WSCD2: variants seen among roughly 807,000 people sequenced by gnomAD.
WSCD2 encodes WSC domain sialate O sulfotransferase 2.
In WSCD2, 28 loss-of-function variants were observed where a neutral mutation model predicts 55.7. The ratio of observed to expected loss-of-function variants is 0.50; its 90% CI spans 0.37 to 0.69. The LOEUF (loss-of-function observed/expected upper bound fraction) is 0.69, where lower values mean the gene tolerates loss of function less well. Ranked by LOEUF, WSCD2 falls within the 30% of genes least tolerant of loss-of-function variation. The pLI is 0.00. For synonymous variants in WSCD2, 301 were observed against 301.9 expected (o/e 1.00, Z 0.03); for missense variants, 616 against 762.1 (o/e 0.81, Z 2.26).
In WSCD2 at chr12:108,210,186, C is replaced by T. The variant is rs749318050; in HGVS notation, c.563C>T (p.Thr188Met). 36 of 1,613,958 alleles carry T rather than the reference C, an allele frequency of 2.2e-5. No homozygotes were observed. Among genetic ancestry groups the T allele is most frequent in the Non-Finnish European group, 2.7e-5 (32 of 1,179,992 alleles). ...TACTGCGGCCACAAGATCCAGGCGA[C>T]GAACGTGAGCGAGGCAGAGTGCGAC... ...ECYCGHKIQA[T>M]NVSEAECDME... Residue 188 changes from threonine (T) to methionine (M), a missense_variant, in exon 4 of 9, where the codon ACG becomes ATG. Coordinates refer to ENST00000547525, the MANE Select transcript of WSCD2 (RefSeq NM_014653.4). This position sits in a 1 kb window ranked among gnomAD's most constrained non-coding sequence, Gnocchi z 4.3.
Position 108,240,504 on chromosome 12 carries a change from C to T in WSCD2, c.1305C>T (p.Gly435=), listed in dbSNP as rs770918041. 2.5e-6 allele frequency: 4 copies of T among 1,613,032 alleles called. No individual in the cohort carries two copies. Among genetic ancestry groups the T allele is most frequent in the Non-Finnish European group, 3.4e-6 (4 of 1,179,986 alleles). Residue 435 remains glycine, a synonymous_variant, in exon 8 of 9, where the codon GGC becomes GGT. Coordinates refer to ENST00000547525, the MANE Select transcript of WSCD2 (RefSeq NM_014653.4). ...CTGAGTTCAACCGCAAGTACGGCGG[C>T]CACATAGGCTTTGCTGCGCATGCCC... ...LMAEFNRKYG[G]HIGFAAHAHW... is the part of the protein sequence containing the mutation.
intron 5 of WSCD2, among the ~76,000 whole-genome samples, chr12:108,226,488 A>C (rs1164664279): frequency 6.6e-6 from 1 of 151,930 alleles, no homozygotes; most frequent in African/African-American, 2.4e-5. Context: ...CGAGAAAGGG[A>C]TTTCTTTTTC....
At chr12:108,150,795 G>A (rs905859582) in intron 1 of WSCD2, among the ~76,000 whole-genome samples, 1 of 152,178 alleles carries the variant, frequency 6.6e-6, no homozygotes, top group African/African-American at 2.4e-5. Flanking sequence ...TGGGGTTGCT[G>A]CTGGGGCTGA....
intron 1 of WSCD2, among the ~76,000 whole-genome samples, chr12:108,190,800 G>A (rs1883067233): frequency 6.6e-6 from 1 of 152,128 alleles, no homozygotes; most frequent in African/African-American, 2.4e-5. Flanking sequence ...TGGGGGGGAG[G>A]CAGAGTAGAG....
chr12:108,219,334 T>C (rs925344907), intron 4 of WSCD2, among the ~76,000 whole-genome samples: 1 of 152,178 alleles, frequency 6.6e-6, no homozygotes, highest in African/African-American at 2.4e-5. Context: ...AGGATCACAT[T>C]TGCATTCCCA....
chr12:108,223,405 T>C (rs1268733195), intron 4 of WSCD2, among the ~76,000 whole-genome samples: 1 of 152,220 alleles, frequency 6.6e-6, no homozygotes, highest in African/African-American at 2.4e-5. Context: ...CTTTGTATCT[T>C]AAACACATCT....
chr12:108,211,665 A>ATATATATATATATATTTT (rs1565970125), intron 4 of WSCD2, among the ~76,000 whole-genome samples: 7 of 147,694 alleles, frequency 4.7e-5, no homozygotes, highest in African/African-American at 1.7e-4. Flanking sequence ...ATATATATAT[A>ATATATATATATATATTTT]TTTTTTGAGA....
At chr12:108,220,133 T>C (rs533146389) in intron 4 of WSCD2, among the ~76,000 whole-genome samples, 2 of 152,308 alleles carry the variant, frequency 1.3e-5, no homozygotes, top group African/African-American at 4.8e-5. Context: ...AGTTCAGACA[T>C]TCCTAGGTTG....
At chr12:108,130,276 G>C (rs1875349500) in intron 1 of WSCD2, among the ~76,000 whole-genome samples, 2 of 152,180 alleles carry the variant, frequency 1.3e-5, no homozygotes, top group South Asian at 4.1e-4. Flanking sequence ...TTTGATTTAT[G>C]AATCACCCTC....
chr12:108,217,739 C>A (rs1482281473), intron 4 of WSCD2, among the ~76,000 whole-genome samples: 3 of 152,222 alleles, frequency 2.0e-5, no homozygotes, highest in Non-Finnish European at 4.4e-5. Context: ...ATCCCCCTCA[C>A]TGCACCCCCA....
intron 1 of WSCD2, among the ~76,000 whole-genome samples, chr12:108,145,555 G>T (rs975463836): frequency 6.6e-6 from 1 of 152,136 alleles, no homozygotes; most frequent in African/African-American, 2.4e-5. Context: ...AGTGTGAATT[G>T]GTACAACTGC....
At chr12:108,172,414 A>C (rs1028671941) in intron 1 of WSCD2, among the ~76,000 whole-genome samples, 1 of 152,222 alleles carries the variant, frequency 6.6e-6, no homozygotes, top group Non-Finnish European at 1.5e-5. Flanking sequence ...ATACTGGGCT[A>C]AAGAGTGCCC....
chr12:108,206,433 T>C (rs1885379094), intron 3 of WSCD2, 30 bp downstream of exon 3: 3 of 1,602,016 alleles, frequency 1.9e-6, no homozygotes, highest in South Asian at 2.2e-5. Context: ...GACTTGTCCA[T>C]TTCAGGCCCT....
chr12:108,186,063 C>T (rs1169590885), intron 1 of WSCD2, among the ~76,000 whole-genome samples: 2 of 152,098 alleles, frequency 1.3e-5, no homozygotes, highest in Non-Finnish European at 2.9e-5. Flanking sequence ...TCAGCTCACC[C>T]CTTCATCTCT....
Position 108,195,797 on chromosome 12 carries a change from C to G in WSCD2, c.-36C>G. The G allele has an allele frequency of 6.4e-7, 1 of 1,565,246 alleles. No individual in the cohort carries two copies. Among genetic ancestry groups the G allele is most frequent in the Non-Finnish European group, 8.7e-7 (1 of 1,153,728 alleles). On this transcript the variant is annotated 5_prime_UTR_variant, in exon 2 of 9. Coordinates refer to ENST00000547525, the MANE Select transcript of WSCD2 (RefSeq NM_014653.4). ...TTCCATCCTCTCCCAAGCACCCCAG[C>G]CAAGCCCCAGAGAGCCAGTCCGGAA... is the stretch of plus-strand genomic sequence containing the variant.
intron 1 of WSCD2, among the ~76,000 whole-genome samples, chr12:108,151,024 T>C (rs555223263): frequency 6.6e-6 from 1 of 151,940 alleles, no homozygotes; most frequent in African/African-American, 2.4e-5. Flanking sequence ...GTGCTCAGCT[T>C]CTGCTTGGCT....
At chr12:108,220,547 A>T (rs1887377153) in intron 4 of WSCD2, among the ~76,000 whole-genome samples, 1 of 152,148 alleles carries the variant, frequency 6.6e-6, no homozygotes, top group Admixed American at 6.6e-5. Flanking sequence ...CGATTTTTTT[A>T]AAGACAAGGT....
At chr12:108,206,020 T>A (rs1885316559) in intron 2 of WSCD2, among the ~76,000 whole-genome samples, 1 of 152,182 alleles carries the variant, frequency 6.6e-6, no homozygotes, top group Non-Finnish European at 1.5e-5. Flanking sequence ...TGGCTTGGGT[T>A]CCTGGATGCC....
intron 7 of WSCD2, 122 bp downstream of exon 7, chr12:108,233,017 A>T: frequency 1.5e-6 from 2 of 1,352,942 alleles, no homozygotes; most frequent in Non-Finnish European, 2.0e-6. Flanking sequence ...TCTCCCAGGC[A>T]CACTTTTTGA....
Sources: gnomAD v4.1 joint callset for allele counts (sites outside exome capture counted in the v4.1 genomes callset) on GRCh38, gnomAD v4.1.1 for gene constraint, Gnocchi (gnomAD v3.1) non-coding constraint, MANE v1.5 for transcripts, NCBI Gene and HGNC (gene_info 2026-07-23, HGNC 2026-07-21) for gene names.